The following MACROD2 variants were observed in gnomAD, a reference collection of about 807,000 sequenced individuals.
MACROD2 encodes the protein ADP-ribose glycohydrolase MACROD2.
MACROD2 carries 36 observed loss-of-function variants against 70.4 expected under a neutral mutation model. That is an observed-to-expected ratio of 0.51 (90% CI 0.39 to 0.68). MACROD2 has a LOEUF of 0.68. MACROD2 is among the 30% of genes least tolerant of loss of function. The probability of loss-of-function intolerance (pLI) is 0.00; values close to 1 mark genes in which losing one functional copy is unlikely to be tolerated. For synonymous variants in MACROD2, 172 were observed against 178.8 expected (o/e 0.96, Z 0.30); for missense variants, 496 against 538.4 (o/e 0.92, Z 0.78).
chr20:14,230,654 T>TATATATAAAA, intron 3 of MACROD2, among the ~76,000 whole-genome samples: 2 of 74,242 alleles, frequency 2.7e-5, no homozygotes, highest in African/African-American at 1.3e-4. Context: ...TATATATATA[T>TATATATAAAA]AACACAGGCT....
chr20:14,283,057 C>T (rs1327850680), intron 3 of MACROD2, among the ~76,000 whole-genome samples: 1 of 152,180 alleles, frequency 6.6e-6, no homozygotes, highest in Non-Finnish European at 1.5e-5. Context: ...ATAGACCCTG[C>T]TTCTTGATGG....
chr20:15,732,978 A>T (rs1347724145), intron 8 of MACROD2, among the ~76,000 whole-genome samples: 3 of 152,184 alleles, frequency 2.0e-5, no homozygotes, highest in South Asian at 2.1e-4. Flanking sequence ...TTCTTAATAG[A>T]TAAATTAACA....
intron 6 of MACROD2, among the ~76,000 whole-genome samples, chr20:15,338,410 C>G (rs1462180386): frequency 1.3e-5 from 2 of 151,576 alleles, no homozygotes; most frequent in African/African-American, 2.4e-5. Flanking sequence ...AAGTGCCCTG[C>G]TGCCATAGCG....
At chr20:15,770,689 G>A (rs900838433) in intron 8 of MACROD2, among the ~76,000 whole-genome samples, 3 of 151,938 alleles carry the variant, frequency 2.0e-5, no homozygotes, top group Non-Finnish European at 2.9e-5. Context: ...TTTAATTCAC[G>A]TGTGCTGGAG....
chr20:14,733,320 T>C (rs190028254), intron 5 of MACROD2, among the ~76,000 whole-genome samples: 1 of 152,326 alleles, frequency 6.6e-6, no homozygotes, highest in East Asian at 1.9e-4. Context: ...ATAATATTCC[T>C]GTGATACTTT....
At position 15,227,823 on chromosome 20, in the gene MACROD2, G is replaced by GTTTTTTTTTTTTTTTTTTTT. The variant is rs59129207; in HGVS notation, c.419-2110_419-2091dup. On this transcript the variant is annotated intron_variant, in intron 5 of 17. Coordinates refer to ENST00000684519, the MANE Select transcript of MACROD2 (RefSeq NM_001351661.2). ...TAACTGGTGTGATAGAATTTCACCTGTTTTTTTTTTTTTTTTTTTTTTTTT... is the reference window on the plus strand; with the variant it reads ...TAACTGGTGTGATAGAATTTCACCTGTTTTTTTTTTTTTTTTTTTTTTTTTTTTTTTTTTTTTTTTTTTTT... Among the ~76,000 whole-genome samples the GTTTTTTTTTTTTTTTTTTTT allele has an allele frequency of 8.9e-4, 41 of 46,106 alleles. 8 individuals carry two copies. Among genetic ancestry groups the GTTTTTTTTTTTTTTTTTTTT allele is most frequent in the Non-Finnish European group, 1.3e-3 (34 of 26,000 alleles). 30.2% of individuals were successfully genotyped at this position (46,106 alleles called of 152,430 possible).
intron 3 of MACROD2, among the ~76,000 whole-genome samples, chr20:14,429,574 T>C (rs926082103): frequency 6.6e-6 from 1 of 152,200 alleles, no homozygotes; most frequent in African/African-American, 2.4e-5. Flanking sequence ...GTCCTTTTAG[T>C]GGACTTTACA....
At chr20:14,574,069 T>A (rs1980401864) in intron 4 of MACROD2, among the ~76,000 whole-genome samples, 1 of 152,210 alleles carries the variant, frequency 6.6e-6, no homozygotes, top group Non-Finnish European at 1.5e-5. Flanking sequence ...CAAGGTCCCA[T>A]AAGGCATAGA....
chr20:14,991,497 C>G (rs1436094142), intron 5 of MACROD2, among the ~76,000 whole-genome samples: 1 of 152,142 alleles, frequency 6.6e-6, no homozygotes, highest in African/African-American at 2.4e-5. Context: ...TTTATTTTCT[C>G]TACTTTGCAA....
At chr20:14,028,874 T>C (rs2053213873) in intron 2 of MACROD2, among the ~76,000 whole-genome samples, 1 of 152,182 alleles carries the variant, frequency 6.6e-6, no homozygotes, top group Non-Finnish European at 1.5e-5. Context: ...AGCCCAATTC[T>C]TCTCAATCAT....
chr20:15,519,119 C>A (rs2047613750), intron 8 of MACROD2, among the ~76,000 whole-genome samples: 1 of 134,352 alleles, frequency 7.4e-6, no homozygotes, highest in African/African-American at 2.8e-5. Context: ...TCCTTCCTTC[C>A]TTTCTTTCTT....
chr20:15,742,831 A>G (rs571999066), intron 8 of MACROD2, among the ~76,000 whole-genome samples: 2 of 152,322 alleles, frequency 1.3e-5, no homozygotes, highest in South Asian at 4.1e-4. Flanking sequence ...TGCAGCCACA[A>G]TCAGCATAAG....
rs143341634 is a variant in MACROD2 at position 15,605,102 on chromosome 20, CT to C, written c.645+105256del. Among the ~76,000 whole-genome samples the C allele has an allele frequency of 7.8e-3, 1,185 of 152,152 alleles. 19 individuals carry two copies. Among genetic ancestry groups the C allele is most frequent in the African/African-American group, 0.026 (1,099 of 41,510 alleles). On this transcript the variant is annotated intron_variant, in intron 8 of 17. Transcript: ENST00000684519. ...AAAGCATATGTTGAATGATTTTTTC[CT>C]CACACTAATATGTCGTTTCAGACCC...
At chr20:15,479,566 C>T (rs931842783) in intron 7 of MACROD2, among the ~76,000 whole-genome samples, 10 of 152,134 alleles carry the variant, frequency 6.6e-5, no homozygotes, top group Non-Finnish European at 1.3e-4. Context: ...AGCCACCGCG[C>T]CCGGCCTAGA....
chr20:14,597,544 T>G (rs1261536386), intron 4 of MACROD2, among the ~76,000 whole-genome samples: 1 of 152,132 alleles, frequency 6.6e-6, no homozygotes, highest in African/African-American at 2.4e-5. Context: ...AAATTAAGCT[T>G]CTAACATTAA....
At chr20:15,423,998 T>G (rs1352066664) in intron 6 of MACROD2, among the ~76,000 whole-genome samples, 1 of 152,150 alleles carries the variant, frequency 6.6e-6, no homozygotes, top group Non-Finnish European at 1.5e-5. Context: ...TATCCTTGTA[T>G]TCTCACATGG....
At chr20:15,716,450 G>A (rs1168787678) in intron 8 of MACROD2, among the ~76,000 whole-genome samples, 2 of 152,178 alleles carry the variant, frequency 1.3e-5, no homozygotes, top group Non-Finnish European at 2.9e-5. Flanking sequence ...ACTTGGAAAG[G>A]CACCAACTAA....
At chr20:15,300,079 C>T (rs544659299) in intron 6 of MACROD2, among the ~76,000 whole-genome samples, 10 of 152,268 alleles carry the variant, frequency 6.6e-5, no homozygotes, top group Non-Finnish European at 1.2e-4. Context: ...TATAGCCATC[C>T]TCCAAACTGA....
chr20:15,953,659 A>T (rs1209327395), intron 12 of MACROD2, among the ~76,000 whole-genome samples: 2 of 152,202 alleles, frequency 1.3e-5, no homozygotes, highest in Non-Finnish European at 2.9e-5. Context: ...TTTCAAGGAA[A>T]ATAGTATGTT....
Sources: gnomAD v4.1 joint callset for allele counts (sites outside exome capture counted in the v4.1 genomes callset) on GRCh38, gnomAD v4.1.1 for gene constraint, MANE v1.5 for transcripts, NCBI Gene and HGNC (gene_info 2026-07-23, HGNC 2026-07-21) for gene names.